Variants in KCNT1 observed in about 807,000 individuals in gnomAD.
KCNT1 encodes potassium channel subfamily T member 1.
Under a neutral mutation model 147.8 loss-of-function variants are expected in KCNT1, and 78 were observed. The observed-to-expected ratio is 0.53, with a 90% confidence interval of 0.44 to 0.64. KCNT1 has a LOEUF of 0.64. Among genes scored for constraint, KCNT1 ranks in the 30% least tolerant of loss-of-function variants. KCNT1 has a pLI of 0.00. For missense variants in KCNT1, 1,419 were observed against 1,750.3 expected, an observed-to-expected ratio of 0.81 and a Z score of 3.38; for synonymous variants, 867 against 748.8, an observed-to-expected ratio of 1.16 and a Z score of -2.58.
intron 2 of KCNT1, among the ~76,000 whole-genome samples, chr9:135,731,987 T>TAGAGAG (rs1564328006): frequency 1.5e-3 from 33 of 21,830 alleles, no homozygotes; most frequent in African/African-American, 3.4e-3. Context: ...TATATATATA[T>TAGAGAG]ATATAGAGAG....
intron 24 of KCNT1, among the ~76,000 whole-genome samples, chr9:135,782,156 A>G (rs942899997): frequency 3.9e-5 from 6 of 152,200 alleles, no homozygotes; most frequent in Non-Finnish European, 7.3e-5. Context: ...GTGAGCCGAG[A>G]TTGTGCCACT....
At chr9:135,781,705 G>A (rs1833622394) in intron 24 of KCNT1, among the ~76,000 whole-genome samples, 1 of 152,050 alleles carries the variant, frequency 6.6e-6, no homozygotes, top group Non-Finnish European at 1.5e-5. Context: ...CTACATCCAG[G>A]CCCAGTGGAA....
chr9:135,787,206 G>T (rs550979020), intron 29 of KCNT1, among the ~76,000 whole-genome samples: 1 of 152,240 alleles, frequency 6.6e-6, no homozygotes, highest in Admixed American at 6.5e-5. Context: ...GGAGCCCGGC[G>T]TCCGTCTTCA....
intron 19 of KCNT1, among the ~76,000 whole-genome samples, chr9:135,774,104 G>A (rs958603022): frequency 1.0e-5 from 1 of 97,318 alleles, no homozygotes; most frequent in Non-Finnish European, 2.2e-5. Flanking sequence ...GTGTGTCAAC[G>A]TGTGTTTGTC....
chr9:135,745,812 T>A (rs2131395155), intron 2 of KCNT1, among the ~76,000 whole-genome samples: 1 of 152,296 alleles, frequency 6.6e-6, no homozygotes, highest in Admixed American at 6.5e-5. Flanking sequence ...TCACTGGGTC[T>A]CAGCCCTGGG....
chr9:135,785,619 C>A, intron 28 of KCNT1: 2 of 592,162 alleles, frequency 3.4e-6, no homozygotes, highest in Middle Eastern at 4.6e-4. Flanking sequence ...CCAAGGCAGG[C>A]AGCCCCCATG....
At chr9:135,751,343 C>T (rs955688558) in intron 4 of KCNT1, among the ~76,000 whole-genome samples, 3 of 151,904 alleles carry the variant, frequency 2.0e-5, no homozygotes, top group Non-Finnish European at 4.4e-5. Context: ...TCCCTCCCTG[C>T]CCCCACAAGT....
At chr9:135,742,358 C>T (rs1830607586) in intron 2 of KCNT1, among the ~76,000 whole-genome samples, 1 of 152,236 alleles carries the variant, frequency 6.6e-6, no homozygotes, top group Admixed American at 6.5e-5. Context: ...TGAGCAGGGC[C>T]AGGGCGAGTG....
chr9:135,718,062 C>T (rs1303230975), intron 2 of KCNT1, among the ~76,000 whole-genome samples: 1 of 152,326 alleles, frequency 6.6e-6, no homozygotes, highest in South Asian at 2.1e-4. Context: ...CCAAGCTGAC[C>T]TGGAGGAGGG....
Position 135,784,520 on chromosome 9 carries a change from TCCCTCCC to T in KCNT1, c.2944-14_2944-8del. ...CTCCCTCCCTCCCTCCCTCCCTCCC[TCCCTCCC>T]TGGCCAGTCCTTCGTGAAGGACTAC... On this transcript the variant is annotated splice_region_variant and splice_polypyrimidine_tract_variant and intron_variant, in intron 25 of 30. Transcript: ENST00000371757. 5.9e-6 allele frequency: 1 copy of T among 169,032 alleles called. No homozygotes were observed. The highest frequency in any genetic ancestry group is 4.7e-5 in the South Asian group (1 of 21,178). The allele number at this position is 169,032 out of a possible 1,614,324, so 10.5% of individuals were successfully genotyped here.
chr9:135,765,689 C>T lies in KCNT1; in HGVS notation c.1266C>T (p.Ile422=). The change falls in exon 13 of 31, where the codon ATC becomes ATT. Residue 422 remains isoleucine, a synonymous_variant. Transcript: ENST00000371757. Reference sequence around the variant, plus strand: ...TCCAGGTGCGCAGAGTCCTGCAGATCCCTCTGTGGTCCCAGCGGGTCATCT... The same window carrying T: ...TCCAGGTGCGCAGAGTCCTGCAGATTCCTCTGTGGTCCCAGCGGGTCATCT... ...MDVQVRRVLQ[I]PLWSQRVIYL... is the part of the protein sequence containing the mutation. 1 of 1,610,878 alleles carries T rather than the reference C, an allele frequency of 6.2e-7. No homozygotes were observed.
chr9:135,757,114 C>A (rs770564283), intron 7 of KCNT1, 42 bp from the exon 8 acceptor site: 3 of 1,261,328 alleles, frequency 2.4e-6, no homozygotes, highest in Non-Finnish European at 3.4e-6. Context: ...GCCCCACCCC[C>A]ACCCTCCATC....
rs774722496 is a variant in KCNT1 at position 135,757,136 on chromosome 9, T to C, written c.601-20T>C. ...CCCCACCCTCCATCGCCCCCGCTGA[T>C]ACCCCCCGTTTGGCCCCAGGGCAAC... On this transcript the variant is annotated intron_variant, in intron 7 of 30. Coordinates refer to ENST00000371757, the MANE Select transcript of KCNT1 (RefSeq NM_020822.3). The C allele has an allele frequency of 9.5e-5, 113 of 1,189,676 alleles. No homozygotes were observed. Among genetic ancestry groups the C allele is most frequent in the Non-Finnish European group, 1.2e-4 (105 of 878,718 alleles). The allele number at this position is 1,189,676 out of a possible 1,614,324, so 73.7% of individuals were successfully genotyped here.
intron 29 of KCNT1, 143 bp downstream of exon 29, chr9:135,786,664 ACCCTCTGC>A: frequency 1.2e-6 from 1 of 822,426 alleles, no homozygotes; most frequent in East Asian, 3.0e-5. Flanking sequence ...CTTTCTGGCC[ACCCTCTGC>A]CTGCCTCTAC....
intron 13 of KCNT1, among the ~76,000 whole-genome samples, chr9:135,767,681 C>T (rs1359771839): frequency 6.6e-6 from 1 of 152,132 alleles, no homozygotes; most frequent in Non-Finnish European, 1.5e-5. Context: ...CTCCACCGGG[C>T]CTGCTCCTGC....
Position 135,795,086 on chromosome 9 carries a change from TTTCCTTA to T in KCNT1, c.*2931_*2937del, listed in dbSNP as rs1834735030. ...ACAAAATGAGTGAGACACCTGCTAT[TTTCCTTA>T]TTCCTGTTTTTTGTTTGTTTTTATT... is the stretch of plus-strand genomic sequence containing the variant. On this transcript the variant is annotated 3_prime_UTR_variant, in exon 31 of 31. Coordinates refer to ENST00000371757, the MANE Select transcript of KCNT1 (RefSeq NM_020822.3). The T allele has an allele frequency of 6.6e-6, 1 of 152,136 alleles. No homozygotes were observed. Among genetic ancestry groups the T allele is most frequent in the Non-Finnish European group, 1.5e-5 (1 of 68,032 alleles). 9.4% of individuals were successfully genotyped at this position (152,136 alleles called of 1,614,324 possible).
chr9:135,768,359 C>CA (rs1832479292), intron 13 of KCNT1: 1 of 64,180 alleles, frequency 1.6e-5, no homozygotes. Context: ...GGGGGGGGGG[C>CA]AGTATGGGGA....
chr9:135,743,458 A>G (rs1830661984), intron 2 of KCNT1, among the ~76,000 whole-genome samples: 1 of 151,962 alleles, frequency 6.6e-6, no homozygotes, highest in South Asian at 2.1e-4. Flanking sequence ...ACGGCTGTTG[A>G]GCATCCAGGG....
intron 24 of KCNT1, 35 bp downstream of exon 24, chr9:135,779,505 A>G (rs914335659): frequency 3.5e-5 from 50 of 1,448,962 alleles, no homozygotes; most frequent in Non-Finnish European, 4.9e-5. Flanking sequence ...CTGCCACCCC[A>G]GAATCCCAGA....
Sources: allele counts gnomAD v4.1 joint callset (sites outside exome capture counted in the v4.1 genomes callset), GRCh38; gene constraint gnomAD v4.1.1; transcripts MANE v1.5; gene names NCBI Gene and HGNC (gene_info 2026-07-23, HGNC 2026-07-21).